UGT1A7: variants seen among roughly 807,000 people sequenced by gnomAD.
UGT1A7 encodes UDP glucuronosyltransferase family 1 member A7.
Under a neutral mutation model 45.6 loss-of-function variants are expected in UGT1A7, and 33 were observed. The observed-to-expected ratio is 0.72, with a 90% confidence interval of 0.55 to 0.97. The LOEUF is 0.97. Among genes scored for constraint, UGT1A7 ranks in the 50% least tolerant of loss-of-function variants. The pLI is 0.00. For missense variants in UGT1A7, 684 were observed against 666.2 expected (o/e 1.03, Z -0.29); for synonymous variants, 274 against 250.6 (o/e 1.09, Z -0.88).
chr2:233,721,416 C>T, intron 1 of UGT1A7: 1 of 156,014 alleles, frequency 6.4e-6, no homozygotes, highest in Non-Finnish European at 1.4e-5. Flanking sequence ...GGACAGGTAC[C>T]CTAAGCATTG....
At chr2:233,728,353 G>T (rs563939650) in intron 1 of UGT1A7, among the ~76,000 whole-genome samples, 5 of 152,310 alleles carry the variant, frequency 3.3e-5, no homozygotes, top group Admixed American at 3.3e-4. Context: ...GTGAGCAGGA[G>T]CTCCCTGAAC....
intron 1 of UGT1A7, among the ~76,000 whole-genome samples, chr2:233,745,902 G>A (rs961529996): frequency 3.3e-5 from 5 of 151,560 alleles, no homozygotes; most frequent in Non-Finnish European, 7.4e-5. Flanking sequence ...CGTTTTTCAG[G>A]GAGCAGCTGA....
chr2:233,760,272 C>A (rs2125981625), intron 1 of UGT1A7: 1 of 1,612,378 alleles, frequency 6.2e-7, no homozygotes, highest in Non-Finnish European at 8.5e-7. Context: ...GAACCTCTGG[C>A]AGGAGCAAAG....
At chr2:233,720,981 G>A (rs746699495) in intron 1 of UGT1A7, among the ~76,000 whole-genome samples, 2 of 151,748 alleles carry the variant, frequency 1.3e-5, no homozygotes, top group Non-Finnish European at 2.9e-5. Flanking sequence ...AAAGTGCTGG[G>A]ATTACAGGCA....
chr2:233,688,485 C>A (rs1180884659), intron 1 of UGT1A7, among the ~76,000 whole-genome samples: 1 of 152,202 alleles, frequency 6.6e-6, no homozygotes, highest in African/African-American at 2.4e-5. Context: ...CTATCTCCAT[C>A]CTTTTGGGAA....
rs3064744 is a variant in UGT1A7, at chr2:233,760,233, C to CAT, written c.856-6787_856-6786dup. 448,036 of 1,466,600 alleles carry CAT rather than the reference C, an allele frequency of 0.31. 31,217 individuals are homozygous for CAT. The highest frequency in any genetic ancestry group is 0.38 in the African/African-American group (27,001 of 71,942). The allele number at this position is 1,466,600 out of a possible 1,614,324, so 90.8% of individuals were successfully genotyped here. ...ACTTGGTGTATCGATTGGTTTTTGC[C>CAT]ATATATATATATATAAGTAGGAGAG... On this transcript the variant is annotated intron_variant, in intron 1 of 4. Coordinates refer to ENST00000373426, the MANE Select transcript of UGT1A7 (RefSeq NM_019077.3).
chr2:233,720,495 T>G (rs546107081), intron 1 of UGT1A7, among the ~76,000 whole-genome samples: 4 of 152,212 alleles, frequency 2.6e-5, no homozygotes, highest in Admixed American at 2.6e-4. Context: ...AGAAGGGAAG[T>G]GTTTCTCAGG....
intron 1 of UGT1A7, among the ~76,000 whole-genome samples, chr2:233,684,020 A>G (rs1341585097): frequency 6.6e-6 from 1 of 152,206 alleles, no homozygotes; most frequent in Non-Finnish European, 1.5e-5. Context: ...TTCTTGGCAA[A>G]TGCATAGTTG....
At chr2:233,746,103 G>C (rs1465134401) in intron 1 of UGT1A7, among the ~76,000 whole-genome samples, 1 of 151,806 alleles carries the variant, frequency 6.6e-6, no homozygotes, top group Non-Finnish European at 1.5e-5. Flanking sequence ...CATGTCCAGA[G>C]TGCTTACTGT....
At chr2:233,725,400 G>T (rs1284897270) in intron 1 of UGT1A7, among the ~76,000 whole-genome samples, 3 of 151,354 alleles carry the variant, frequency 2.0e-5, no homozygotes, top group Non-Finnish European at 2.9e-5. Context: ...TACCTTGATG[G>T]TCTAATACAG....
intron 1 of UGT1A7, chr2:233,729,928 C>T (rs1300778584): frequency 1.2e-6 from 2 of 1,613,898 alleles, no homozygotes; most frequent in Non-Finnish European, 1.7e-6. Flanking sequence ...CTACCCCAGG[C>T]CAATCATGCC....
At position 233,766,967 on chromosome 2, in the gene UGT1A7, A is replaced by G. The variant is rs907752763; in HGVS notation, c.856-67A>G. The G allele has an allele frequency of 1.5e-5, 24 of 1,609,126 alleles. No homozygotes were observed. The African/African-American group carries it at 3.1e-4, about 21-fold the overall frequency. On this transcript the variant is annotated intron_variant, in intron 1 of 4. Coordinates refer to ENST00000373426, the MANE Select transcript of UGT1A7 (RefSeq NM_019077.3). Reference sequence around the variant, plus strand: ...TTAAGAGGAAGATATCTAATTCATAACTTACTGTATGTAGTCATCAAAGAA... The same window carrying G: ...TTAAGAGGAAGATATCTAATTCATAGCTTACTGTATGTAGTCATCAAAGAA...
At chr2:233,747,945 G>C in intron 1 of UGT1A7, 1 of 1,613,482 alleles carries the variant, frequency 6.2e-7, no homozygotes, top group African/African-American at 1.3e-5. Flanking sequence ...GGAGGTGTCA[G>C]TGGTGGATCT....
In UGT1A7 at chr2:233,729,555, T is replaced by C. The variant is rs549256144; in HGVS notation, c.856-37479T>C. 30 of 1,614,208 alleles carry C rather than the reference T, an allele frequency of 1.9e-5. No homozygotes were observed. In the South Asian group the frequency reaches 3.0e-4, roughly 16 times the overall value. On this transcript the variant is annotated intron_variant, in intron 1 of 4. Coordinates refer to ENST00000373426, the MANE Select transcript of UGT1A7 (RefSeq NM_019077.3). The stretch of plus-strand genomic sequence containing the variant: ...AGGCCCTGATCAGGCACCTGAATGC[T>C]ACTTCCTTTGATGTGGTTTTAACAG...
chr2:233,688,288 G>A (rs562176649), intron 1 of UGT1A7, among the ~76,000 whole-genome samples: 3 of 152,202 alleles, frequency 2.0e-5, no homozygotes, highest in African/African-American at 4.8e-5. Context: ...TGGATTTACC[G>A]CATTTTTTTT....
At chr2:233,752,688 T>G (rs143415003) in intron 1 of UGT1A7, 1 of 152,282 alleles carries the variant, frequency 6.6e-6, no homozygotes, top group Non-Finnish European at 1.5e-5. Flanking sequence ...GAAATTCATG[T>G]TTACTAGTGG....
chr2:233,718,056 A>T (rs1203878997), intron 1 of UGT1A7: 5 of 356,546 alleles, frequency 1.4e-5, no homozygotes, highest in Non-Finnish European at 2.8e-5. Flanking sequence ...CCCTGAACCC[A>T]CCGTGGGTCC....
At chr2:233,764,093 T>G (rs1018562208) in intron 1 of UGT1A7, among the ~76,000 whole-genome samples, 2 of 152,200 alleles carry the variant, frequency 1.3e-5, no homozygotes, top group African/African-American at 4.8e-5. Context: ...AAGCCTAAAC[T>G]AAAAATACAA....
At chr2:233,736,293 T>C (rs1349532860) in intron 1 of UGT1A7, among the ~76,000 whole-genome samples, 2 of 152,248 alleles carry the variant, frequency 1.3e-5, no homozygotes, top group Admixed American at 1.3e-4. Flanking sequence ...TTCTTCCAGT[T>C]GCTCTAATCA....
Sources: allele counts gnomAD v4.1 joint callset (sites outside exome capture counted in the v4.1 genomes callset), GRCh38; gene constraint gnomAD v4.1.1; transcripts MANE v1.5; gene names NCBI Gene and HGNC (gene_info 2026-07-23, HGNC 2026-07-21).